The following GCC2 variants were observed in gnomAD, a reference collection of about 807,000 sequenced individuals.
The protein encoded by GCC2 is GRIP and coiled-coil domain-containing protein 2.
A neutral mutation model predicts 210.6 loss-of-function variants in GCC2; 120 were observed. The observed-to-expected ratio is 0.57, with a 90% CI of 0.49 to 0.66. GCC2 has a LOEUF of 0.66. GCC2 is among the 30% of genes least tolerant of loss of function. The pLI is 0.00. For synonymous variants in GCC2, 703 were observed against 652.7 expected, an observed-to-expected ratio of 1.08 and a Z score of -1.17; for missense variants, 1,868 against 1,871.9, an observed-to-expected ratio of 1.00 and a Z score of 0.04.
chr2:108,457,725 G>A (rs1680344547), intron 4 of GCC2, among the ~76,000 whole-genome samples: 1 of 152,098 alleles, frequency 6.6e-6, no homozygotes, highest in East Asian at 1.9e-4. Flanking sequence ...TGTAAAAGGT[G>A]TTGCCTTCTT....
chr2:108,470,175 A>G lies in GCC2; in HGVS notation c.846A>G (p.Lys282=). The G allele has an allele frequency of 6.2e-7, 1 of 1,613,610 alleles. No individual in the cohort carries two copies. Among genetic ancestry groups the G allele is most frequent in the Non-Finnish European group, 8.5e-7 (1 of 1,179,832 alleles). The change falls in exon 6 of 23, where the codon AAA becomes AAG. Residue 282 remains lysine (K), a synonymous_variant. Transcript: ENST00000309863. ...ACGAGCTAAAAGAGAACTTAGTAAA[A>G]CAATGTGAGGCAAGTGAAAAGAACA... ...KLNELKENLV[K]QCEASEKNIQ...
In GCC2 at chr2:108,469,055, GAAAATATAA is replaced by G; in HGVS notation, c.296_304del (p.Asn99_Lys101del). 6.2e-7 allele frequency: 1 copy of G among 1,611,060 alleles called. No homozygotes were observed. The highest frequency in any genetic ancestry group is 8.5e-7 in the Non-Finnish European group (1 of 1,177,450). ...GCAACAGTGTCTTTCTCTGAAAAAG[GAAAATATAA>G]AAATGAAGCAAGAGGTTGAGGTAAG... On this transcript the variant is annotated inframe_deletion, in exon 5 of 23. Transcript: ENST00000309863.
chr2:108,489,028 C>T (rs1206276420), intron 17 of GCC2, among the ~76,000 whole-genome samples: 2 of 152,138 alleles, frequency 1.3e-5, no homozygotes, highest in Admixed American at 1.3e-4. Flanking sequence ...TGTGTTCCTT[C>T]TACTTTCTTA....
Position 108,475,737 on chromosome 2 carries a change from T to A in GCC2, c.2962-15T>A. The stretch of plus-strand genomic sequence containing the variant: ...AAAACAAAAACCTCTTTAATTTTAC[T>A]TGTGTTTAAAACAGACCCAGACTGT... On this transcript the variant is annotated splice_polypyrimidine_tract_variant and intron_variant, in intron 8 of 22. Transcript: ENST00000309863. 1 of 1,558,528 alleles carries A rather than the reference T, an allele frequency of 6.4e-7. No homozygotes were observed. The highest frequency in any genetic ancestry group is 8.7e-7 in the Non-Finnish European group (1 of 1,143,878).
chr2:108,483,383 C>G (rs1188021484), intron 12 of GCC2, among the ~76,000 whole-genome samples: 2 of 151,964 alleles, frequency 1.3e-5, no homozygotes, highest in African/African-American at 2.4e-5. Context: ...GTCACCACAC[C>G]CGGCTAATTT....
chr2:108,470,517 A>G lies in GCC2; in HGVS notation c.1188A>G (p.Glu396=). ...KINELLLAKE[E]QGCVIEKLKS... is the part of the protein sequence containing the mutation. ...ATGAATTATTACTAGCTAAAGAAGA[A>G]CAGGGCTGTGTAATTGAAAAATTAA... Residue 396 remains glutamate (E), a synonymous_variant, in exon 6 of 23, where the codon GAA becomes GAG. Transcript: ENST00000309863. 1 of 1,609,866 alleles carries G rather than the reference A, an allele frequency of 6.2e-7. No individual in the cohort carries two copies. The highest frequency in any genetic ancestry group is 8.5e-7 in the Non-Finnish European group (1 of 1,178,300).
At chr2:108,465,671 T>C (rs1680844590) in intron 4 of GCC2, among the ~76,000 whole-genome samples, 1 of 152,240 alleles carries the variant, frequency 6.6e-6, no homozygotes, top group Non-Finnish European at 1.5e-5. Flanking sequence ...AACACATTAT[T>C]TCATTCCTTT....
intron 20 of GCC2, chr2:108,496,646 A>G: frequency 5.7e-6 from 2 of 353,702 alleles, no homozygotes; most frequent in South Asian, 6.4e-5. Context: ...ACGTGAAATG[A>G]CATAAAATCT....
chr2:108,479,524 C>T (rs1440411483), intron 9 of GCC2, among the ~76,000 whole-genome samples: 1 of 151,816 alleles, frequency 6.6e-6, no homozygotes, highest in African/African-American at 2.4e-5. Flanking sequence ...ACCTATAGTC[C>T]CAGCTACTTG....
At chr2:108,480,053 A>G (rs890527734) in intron 9 of GCC2, among the ~76,000 whole-genome samples, 2 of 151,384 alleles carry the variant, frequency 1.3e-5, no homozygotes, top group African/African-American at 4.9e-5. Context: ...AGCCAAGGAC[A>G]CAAGAGGTCC....
intron 16 of GCC2, among the ~76,000 whole-genome samples, chr2:108,487,195 C>G (rs1258318424): frequency 1.3e-5 from 2 of 152,068 alleles, no homozygotes; most frequent in African/African-American, 2.4e-5. Flanking sequence ...TAATTTTTCT[C>G]AAATTTATAA....
chr2:108,454,211 C>T (rs1027452544), intron 4 of GCC2, among the ~76,000 whole-genome samples: 5 of 152,140 alleles, frequency 3.3e-5, no homozygotes, highest in African/African-American at 7.2e-5. Context: ...AGGATGGTCT[C>T]GATCTCCTGA....
intron 4 of GCC2, among the ~76,000 whole-genome samples, chr2:108,458,704 T>C (rs1313188278): frequency 6.6e-6 from 1 of 152,128 alleles, no homozygotes; most frequent in Non-Finnish European, 1.5e-5. Context: ...TTCCAGTTTG[T>C]GGGTGCATAG....
rs769810605 is a variant in GCC2 at position 108,470,331 on chromosome 2, C to G, written c.1002C>G (p.Val334=). The change falls in exon 6 of 23, where the codon GTC becomes GTG. Residue 334 remains valine, a synonymous_variant. Coordinates refer to ENST00000309863, the MANE Select transcript of GCC2 (RefSeq NM_181453.4). ...TFVEQVVNEK[V]KHLEDTLKEL... ...TAGAACAAGTAGTAAATGAAAAAGT[C>G]AAACACTTAGAAGATACCTTAAAAG... The G allele has an allele frequency of 3.1e-6, 5 of 1,610,126 alleles. No homozygotes were observed. In the Admixed American group the frequency reaches 6.7e-5, roughly 22 times the overall value.
At chr2:108,489,787 A>G in intron 17 of GCC2, 51 bp from the exon 18 acceptor site, 1 of 1,310,050 alleles carries the variant, frequency 7.6e-7, no homozygotes. Flanking sequence ...AAACCACAAA[A>G]TCAAATTCAC....
chr2:108,451,423 T>A (rs1573334886), intron 3 of GCC2, among the ~76,000 whole-genome samples: 1 of 152,186 alleles, frequency 6.6e-6, no homozygotes, highest in East Asian at 1.9e-4. Context: ...AGTAAAGTGT[T>A]TTTTCAAGAG....
rs182763636 is a variant in GCC2, at chr2:108,465,979, G to A, written c.217-3001G>A. ...AAGCTGTTCTCCCTCAGTCTCCTGT[G>A]TAGCTGGGATTAAGGTGGTATCTCA... On this transcript the variant is annotated intron_variant, in intron 4 of 22. Coordinates refer to ENST00000309863, the MANE Select transcript of GCC2 (RefSeq NM_181453.4). Among the ~76,000 whole-genome samples, 8 of 152,312 alleles carry A rather than the reference G, an allele frequency of 5.3e-5. No homozygotes were observed. In the East Asian group the frequency reaches 1.2e-3, roughly 22 times the overall value.
intron 4 of GCC2, among the ~76,000 whole-genome samples, chr2:108,464,752 AGGGAGGGAGGGAGAC>A (rs1680785907): frequency 6.6e-6 from 1 of 152,082 alleles, no homozygotes; most frequent in African/African-American, 2.4e-5. Context: ...GGAAGGAAGG[AGGGAGGGAGGGAGAC>A]GGGAGGGATG....
chr2:108,492,453 GT>G (rs2104497985), intron 18 of GCC2, 119 bp from the exon 19 acceptor site: 1 of 676,366 alleles, frequency 1.5e-6, no homozygotes, highest in East Asian at 2.7e-5. Context: ...TAGGAGAGAA[GT>G]TGATTCATAC....
Sources: gnomAD v4.1 joint callset for allele counts (sites outside exome capture counted in the v4.1 genomes callset) on GRCh38, gnomAD v4.1.1 for gene constraint, MANE v1.5 for transcripts, NCBI Gene and HGNC (gene_info 2026-07-23, HGNC 2026-07-21) for gene names.